RNF123: variants seen among roughly 807,000 people sequenced by gnomAD.
RNF123 encodes E3 ubiquitin-protein ligase RNF123.
RNF123 carries 86 observed loss-of-function variants against 168.5 expected under a neutral mutation model. That is an observed-to-expected ratio of 0.51 (90% CI 0.43 to 0.61). The LOEUF is 0.61. RNF123 is among the 20% of genes least tolerant of loss of function. RNF123 has a pLI of 0.00. For synonymous variants in RNF123, 666 were observed against 689.1 expected (o/e 0.97, Z 0.52); for missense variants, 1,419 against 1,729.7 (o/e 0.82, Z 3.19).
chr3:49,720,159 T>TACA (rs10632591), intron 35 of RNF123: 86,274 of 162,940 alleles, frequency 0.53, 23,806 homozygotes, highest in East Asian at 0.82. Context: ...CTACTAAAAA[T>TACA]ACAACAATTA....
intron 31 of RNF123, 134 bp downstream of exon 31, chr3:49,714,308 G>A (rs2080199635): frequency 2.7e-6 from 2 of 746,890 alleles, no homozygotes; most frequent in African/African-American, 3.5e-5. Flanking sequence ...CTCCCTACGT[G>A]TCCCCTGGGG....
At chr3:49,716,613 G>C in intron 35 of RNF123, 136 bp downstream of exon 35, 1 of 768,546 alleles carries the variant, frequency 1.3e-6, no homozygotes, top group Non-Finnish European at 2.2e-6. Flanking sequence ...CAGAGGGAAG[G>C]TGGTGAGGTG....
At chr3:49,714,526 C>T (rs769641345) in intron 31 of RNF123, among the ~76,000 whole-genome samples, 14 of 152,240 alleles carry the variant, frequency 9.2e-5, no homozygotes, top group South Asian at 2.1e-4. Context: ...AGCTCCCTGA[C>T]CTCCAGCCTT....
intron 24 of RNF123, 149 bp downstream of exon 24, chr3:49,705,828 G>C: frequency 6.9e-7 from 1 of 1,441,368 alleles, no homozygotes; most frequent in Non-Finnish European, 9.5e-7. Flanking sequence ...TTCTGCTCCT[G>C]CTGCCTCAGT....
intron 35 of RNF123, chr3:49,719,721 C>A (rs1404863777): frequency 4.6e-6 from 2 of 438,672 alleles, no homozygotes; most frequent in Non-Finnish European, 8.4e-6. Context: ...ATACTCCCCC[C>A]AGGGGCGGGG....
At position 49,705,029 on chromosome 3, in the gene RNF123, C is replaced by T. The variant is rs773303507; in HGVS notation, c.2005C>T (p.Arg669Trp). The T allele has an allele frequency of 2.5e-6, 4 of 1,609,706 alleles. No individual in the cohort carries two copies. The highest frequency in any genetic ancestry group is 1.3e-5 in the African/African-American group (1 of 74,854). ...TGTTGGGGGGCCACTGCCCCTGCCC[C>T]GGCCCGGCTGGCTCAGTTCTCCAAC... ...LAVGGPLPLPRPGWLSSPTLG... is the reference protein window; with the variant it reads ...LAVGGPLPLPWPGWLSSPTLG... The change falls in exon 23 of 39, where the codon CGG becomes TGG. Residue 669 changes from arginine (R) to tryptophan (W), a missense_variant. By Grantham distance (101) the Arg-to-Trp change is moderately radical. Transcript: ENST00000327697.
intron 21 of RNF123, among the ~76,000 whole-genome samples, 197 bp downstream of exon 21, chr3:49,703,725 A>G (rs1233549701): frequency 6.6e-6 from 1 of 152,148 alleles, no homozygotes; most frequent in African/African-American, 2.4e-5. Flanking sequence ...CACCCACGCC[A>G]TAGGGGTCGG....
Position 49,718,197 on chromosome 3 carries a change from G to A in RNF123, c.3500+1720G>A, listed in dbSNP as rs765658912. 89 of 1,612,810 alleles carry A rather than the reference G, an allele frequency of 5.5e-5. No individual in the cohort carries two copies. In the Admixed American group the frequency reaches 1.4e-3, roughly 26 times the overall value. ...GTGCGCTCAGCTCTTGGAGCGGGCTGGGTGTTTGGGGCCAGCGGCGGCAGC... is the reference window on the plus strand; with the variant it reads ...GTGCGCTCAGCTCTTGGAGCGGGCTAGGTGTTTGGGGCCAGCGGCGGCAGC... On this transcript the variant is annotated intron_variant, in intron 35 of 38. Transcript: ENST00000327697.
Position 49,715,558 on chromosome 3 carries a change from C to T in RNF123, c.3011-17C>T. 6 of 1,613,574 alleles carry T rather than the reference C, an allele frequency of 3.7e-6. No individual in the cohort carries two copies. The highest frequency in any genetic ancestry group is 1.7e-4 in the Middle Eastern group (1 of 6,060). On this transcript the variant is annotated splice_polypyrimidine_tract_variant and intron_variant, in intron 31 of 38. Transcript: ENST00000327697. ...GCAGTGGAGTCCCTGATGATGCCGCCTCCTGTCCCCCTGCAGAGCCCTGCC... is the reference window on the plus strand; with the variant it reads ...GCAGTGGAGTCCCTGATGATGCCGCTTCCTGTCCCCCTGCAGAGCCCTGCC...
In RNF123 at chr3:49,702,674, C is replaced by G; in HGVS notation, c.1671C>G (p.Phe557Leu). ...GCCCCCCTGAGTACATGGTCTGCTT[C>G]TTACACCGGCTGATCTCTGCCCTGC... ...MLCPPEYMVC[F>L]LHRLISALRY... The change falls in exon 20 of 39, where the codon TTC becomes TTG. Residue 557 changes from phenylalanine (F) to leucine (L), a missense_variant. Phe to Leu is a conservative substitution (Grantham distance 22, BLOSUM62 0). This residue lies in a region of RNF123 where 349 missense variants were observed against 344.9 expected (regional missense o/e 1.01). Transcript: ENST00000327697. 1 of 1,614,250 alleles carries G rather than the reference C, an allele frequency of 6.2e-7. No homozygotes were observed. Among genetic ancestry groups the G allele is most frequent in the Non-Finnish European group, 8.5e-7 (1 of 1,180,034 alleles).
intron 3 of RNF123, among the ~76,000 whole-genome samples, chr3:49,693,688 G>C (rs1339756543): frequency 1.3e-5 from 2 of 152,120 alleles, no homozygotes; most frequent in Non-Finnish European, 2.9e-5. Flanking sequence ...CCTCCAAACT[G>C]TTCTCGATAG....
At chr3:49,697,564 C>A in intron 5 of RNF123, 107 bp downstream of exon 5, 1 of 903,752 alleles carries the variant, frequency 1.1e-6, no homozygotes, top group Non-Finnish European at 1.7e-6. Context: ...GGGGCTGCAG[C>A]CAAAACTTGT....
rs2054327759 is a variant in RNF123, at chr3:49,699,261, T to G, written c.764+156T>G. ...TGTAGAGTGTCGAAGAAAACTTTCCTCGCAGCAGCCTGGTTGGTTGGGTGC... is the reference window on the plus strand; with the variant it reads ...TGTAGAGTGTCGAAGAAAACTTTCCGCGCAGCAGCCTGGTTGGTTGGGTGC... On this transcript the variant is annotated intron_variant, in intron 10 of 38. Transcript: ENST00000327697. The surrounding 1 kb of genome is among the most constrained non-coding windows in gnomAD (Gnocchi z 4.8). Among the ~76,000 whole-genome samples, 1 of 152,058 alleles carries G rather than the reference T, an allele frequency of 6.6e-6. No homozygotes were observed. Among genetic ancestry groups the G allele is most frequent in the East Asian group, 1.9e-4 (1 of 5,176 alleles).
At chr3:49,693,874 T>C (rs1319992566) in intron 3 of RNF123, among the ~76,000 whole-genome samples, 1 of 152,354 alleles carries the variant, frequency 6.6e-6, no homozygotes, top group East Asian at 1.9e-4. Flanking sequence ...TGCCTTTCCA[T>C]ATGCCTGTTT....
At chr3:49,713,696 G>A in intron 28 of RNF123, 42 bp from the exon 29 acceptor site, 1 of 1,575,160 alleles carries the variant, frequency 6.3e-7, no homozygotes, top group East Asian at 2.3e-5. Context: ...TGGGTCCAGG[G>A]CTCATGCCAA....
In RNF123 at chr3:49,702,109, C is replaced by T; in HGVS notation, c.1522C>T (p.Leu508=). Residue 508 remains leucine (L), a synonymous_variant, in exon 18 of 39, where the codon CTG becomes TTG. Coordinates refer to ENST00000327697, the MANE Select transcript of RNF123 (RefSeq NM_022064.5). The stretch of plus-strand genomic sequence containing the variant: ...GGTGGAAGAACTACAGGTCCAGATC[C>T]TGAAGCTGCTGCTGGACAATAAAGA... ...EVVEELQVQI[L]KLLLDNKDDN... is the part of the protein sequence containing the mutation. 1 of 1,614,092 alleles carries T rather than the reference C, an allele frequency of 6.2e-7. No homozygotes were observed. Among genetic ancestry groups the T allele is most frequent in the Non-Finnish European group, 8.5e-7 (1 of 1,179,992 alleles).
At chr3:49,703,022 C>G (rs2054438353) in intron 20 of RNF123, among the ~76,000 whole-genome samples, 1 of 152,228 alleles carries the variant, frequency 6.6e-6, no homozygotes, top group Admixed American at 6.5e-5. Context: ...CCTTGCCCCC[C>G]CATTTCTCTG....
In RNF123 at chr3:49,691,152, A is replaced by G. The variant is rs1274886953; in HGVS notation, c.-14A>G. 2 of 1,613,072 alleles carry G rather than the reference A, an allele frequency of 1.2e-6. No homozygotes were observed. The highest frequency in any genetic ancestry group is 1.7e-6 in the Non-Finnish European group (2 of 1,179,212). On this transcript the variant is annotated 5_prime_UTR_variant, in exon 2 of 39. An upstream start codon of the reference 5' UTR is lost. Transcript: ENST00000327697. ...CAGCCCCCAGGACCACTGGCTGCCC[A>G]TGAGAGATGAAGGATGGCATCCAAG...
chr3:49,689,840 T>G (rs1229406202), intron 1 of RNF123: 1 of 152,036 alleles, frequency 6.6e-6, no homozygotes, highest in Non-Finnish European at 1.5e-5. Flanking sequence ...CAGTTCTGAG[T>G]CCGGATACCC....
Sources: allele counts gnomAD v4.1 joint callset (sites outside exome capture counted in the v4.1 genomes callset), GRCh38; gene constraint gnomAD v4.1.1; regional missense constraint gnomAD v4.1.1; non-coding constraint Gnocchi (gnomAD v3.1); transcripts MANE v1.5; gene names NCBI Gene and HGNC (gene_info 2026-07-23, HGNC 2026-07-21).